ENOX1: variants seen among roughly 807,000 people sequenced by gnomAD.
ENOX1 encodes ecto-NOX disulfide-thiol exchanger 1.
ENOX1 carries 42 observed loss-of-function variants against 82.5 expected under a neutral mutation model. The ratio of observed to expected loss-of-function variants is 0.51; its 90% CI spans 0.40 to 0.66. The LOEUF (loss-of-function observed/expected upper bound fraction) is 0.66. Ranked by LOEUF, ENOX1 falls within the 30% of genes least tolerant of loss-of-function variation. The pLI, the probability that ENOX1 is intolerant of heterozygous loss-of-function variation, is 0.00. For missense variants in ENOX1, 608 were observed against 811.6 expected, an observed-to-expected ratio of 0.75 and a Z score of 3.05; for synonymous variants, 271 against 282.2, an observed-to-expected ratio of 0.96 and a Z score of 0.40.
chr13:43,559,780 T>C (rs2153704294), intron 2 of ENOX1, among the ~76,000 whole-genome samples: 1 of 152,302 alleles, frequency 6.6e-6, no homozygotes, highest in East Asian at 1.9e-4. Context: ...ACAGAAATTA[T>C]AACATGCTAA....
chr13:43,270,761 G>A (rs1475131698), intron 12 of ENOX1, among the ~76,000 whole-genome samples: 1 of 152,180 alleles, frequency 6.6e-6, no homozygotes, highest in South Asian at 2.1e-4. Context: ...CTTTGGTCCT[G>A]TAGCATAAAC....
At chr13:43,582,966 C>T (rs2080815989) in intron 2 of ENOX1, among the ~76,000 whole-genome samples, 1 of 151,562 alleles carries the variant, frequency 6.6e-6, no homozygotes, top group African/African-American at 2.4e-5. Context: ...GAGTTATCCC[C>T]CAAACTGGAC....
intron 1 of ENOX1, among the ~76,000 whole-genome samples, chr13:43,721,041 A>T (rs2088538084): frequency 1.3e-5 from 2 of 152,186 alleles, no homozygotes; most frequent in Non-Finnish European, 2.9e-5. Context: ...TTTTCTTTTC[A>T]GTCCTTCCTT....
intron 2 of ENOX1, among the ~76,000 whole-genome samples, chr13:43,564,457 C>T (rs2153706949): frequency 6.6e-6 from 1 of 151,824 alleles, no homozygotes; most frequent in East Asian, 1.9e-4. Context: ...AAAAGAAATG[C>T]AATGAGGAAT....
intron 2 of ENOX1, among the ~76,000 whole-genome samples, chr13:43,565,201 A>G (rs1459450351): frequency 1.3e-5 from 2 of 152,142 alleles, no homozygotes; most frequent in African/African-American, 2.4e-5. Flanking sequence ...AGCAGAAGAT[A>G]AGTACCAGGA....
chr13:43,707,983 A>T (rs1245327266), intron 1 of ENOX1, among the ~76,000 whole-genome samples: 1 of 151,786 alleles, frequency 6.6e-6, no homozygotes, highest in Non-Finnish European at 1.5e-5. Context: ...CCATCAGGTG[A>T]TGGCTAGACA....
intron 15 of ENOX1, among the ~76,000 whole-genome samples, chr13:43,226,991 A>G (rs752268845): frequency 3.3e-5 from 5 of 150,734 alleles, no homozygotes; most frequent in Admixed American, 1.3e-4. Flanking sequence ...AATATTTTTC[A>G]TATTTAATAT....
intron 2 of ENOX1, among the ~76,000 whole-genome samples, chr13:43,630,018 A>G (rs1304469292): frequency 4.6e-5 from 7 of 152,148 alleles, no homozygotes; most frequent in Admixed American, 4.6e-4. Flanking sequence ...GGTGTCTTCT[A>G]TTTTATTCTA....
rs762007064 is a variant in ENOX1 at position 43,412,027 on chromosome 13, T to C, written c.97A>G (p.Ile33Val). The C allele has an allele frequency of 2.6e-5, 42 of 1,613,978 alleles. No individual in the cohort carries two copies. The Middle Eastern group carries it at 8.2e-4, about 32-fold the overall frequency. The change falls in exon 5 of 17, where the codon ATA (isoleucine) becomes GTA (valine). Residue 33 changes from isoleucine (I) to valine (V), a missense_variant. Physicochemically the swap from Ile to Val is conservative, Grantham distance 29. Coordinates refer to ENST00000690772, the MANE Select transcript of ENOX1 (RefSeq NM_001347969.2). ...GACATGTTGAGCTGGGTCGTGTCTA[T>C]CGCTATACTCCCCAAACCATCGGCT... ...AAADGLGSIA[I>V]DTTQLNMSVT...
At chr13:43,563,161 T>A (rs7321169) in intron 2 of ENOX1, among the ~76,000 whole-genome samples, 18,746 of 151,914 alleles carry the variant, frequency 0.12, 1,241 homozygotes, top group Non-Finnish European at 0.16. Context: ...GGAAATTTTT[T>A]AAAAAAAATA....
chr13:43,526,405 G>A (rs1223922590), intron 2 of ENOX1, among the ~76,000 whole-genome samples: 2 of 151,916 alleles, frequency 1.3e-5, no homozygotes, highest in Non-Finnish European at 2.9e-5. Flanking sequence ...TGAAAAACCA[G>A]GATGAAAAAC....
chr13:43,222,187 CCAT>C (rs1332790662), intron 16 of ENOX1, among the ~76,000 whole-genome samples: 1 of 152,036 alleles, frequency 6.6e-6, no homozygotes, highest in Non-Finnish European at 1.5e-5. Context: ...CCAGAAAGGC[CCAT>C]CATCTAATGG....
intron 1 of ENOX1, among the ~76,000 whole-genome samples, chr13:43,733,552 A>G (rs1237416674): frequency 6.6e-6 from 1 of 152,198 alleles, no homozygotes; most frequent in Non-Finnish European, 1.5e-5. Flanking sequence ...TAGTTTTTCA[A>G]TACACCAAAA....
At chr13:43,667,626 A>C (rs2085047912) in intron 1 of ENOX1, 82 bp from the exon 2 acceptor site, 1 of 397,002 alleles carries the variant, frequency 2.5e-6, no homozygotes, top group Non-Finnish European at 3.4e-6. Flanking sequence ...ATGTAAGCAG[A>C]TGCAAGGTTT....
intron 15 of ENOX1, among the ~76,000 whole-genome samples, chr13:43,231,301 CCT>C (rs1366264137): frequency 6.6e-6 from 1 of 152,046 alleles, no homozygotes; most frequent in Non-Finnish European, 1.5e-5. Flanking sequence ...CCTAGTAAGC[CCT>C]GAGGGGACAG....
Position 43,630,434 on chromosome 13 carries a change from T to A in ENOX1, c.-219+37045A>T, listed in dbSNP as rs117504550. On this transcript the variant is annotated intron_variant, in intron 2 of 16. Transcript: ENST00000690772. The stretch of plus-strand genomic sequence containing the variant: ...AGACAGCAGTAACTAGGAATCCCTA[T>A]CATTTAAGATAGAAATACAATTAAA... 9.1e-3 allele frequency among the ~76,000 whole-genome samples: 1,382 copies of A among 152,224 alleles called. 10 individuals are homozygous for A. Among genetic ancestry groups the A allele is most frequent in the Non-Finnish European group, 0.016 (1,082 of 68,022 alleles).
chr13:43,315,754 C>G (rs1185651257), intron 11 of ENOX1, among the ~76,000 whole-genome samples: 2 of 152,160 alleles, frequency 1.3e-5, no homozygotes, highest in Non-Finnish European at 2.9e-5. Flanking sequence ...ATAGTACTTT[C>G]CATAGCAACT....
At chr13:43,569,182 C>T (rs1175511605) in intron 2 of ENOX1, among the ~76,000 whole-genome samples, 5 of 152,140 alleles carry the variant, frequency 3.3e-5, no homozygotes, top group Non-Finnish European at 1.5e-5. Context: ...TCTTTCCAAG[C>T]TATACTGATA....
chr13:43,245,835 A>G (rs143787181), intron 14 of ENOX1, among the ~76,000 whole-genome samples: 132 of 152,344 alleles, frequency 8.7e-4, no homozygotes, highest in African/African-American at 2.8e-3. Flanking sequence ...ACATTCTGAG[A>G]TGTTCCACCT....
Sources: allele counts gnomAD v4.1 joint callset (sites outside exome capture counted in the v4.1 genomes callset), GRCh38; gene constraint gnomAD v4.1.1; transcripts MANE v1.5; gene names NCBI Gene and HGNC (gene_info 2026-07-23, HGNC 2026-07-21).